PARD3: variants seen among roughly 807,000 people sequenced by gnomAD.
PARD3 encodes the protein par-3 family cell polarity regulator.
Under a neutral mutation model 155.4 loss-of-function variants are expected in PARD3, and 75 were observed. The ratio of observed to expected loss-of-function variants is 0.48; its 90% CI spans 0.40 to 0.58. The LOEUF is 0.58. Among genes scored for constraint, PARD3 ranks in the 20% least tolerant of loss-of-function variants. The pLI is 0.00. For synonymous variants in PARD3, 576 were observed against 610.5 expected (o/e 0.94, Z 0.83); for missense variants, 1,642 against 1,721.7 (o/e 0.95, Z 0.82).
chr10:34,803,303 T>G (rs1401997906), intron 1 of PARD3, among the ~76,000 whole-genome samples: 1 of 151,804 alleles, frequency 6.6e-6, no homozygotes, highest in African/African-American at 2.4e-5. Context: ...ACAAAGGTAC[T>G]TCTCTTAACT....
At chr10:34,488,218 T>C (rs1373652267) in intron 3 of PARD3, among the ~76,000 whole-genome samples, 8 of 152,226 alleles carry the variant, frequency 5.3e-5, no homozygotes, top group Admixed American at 1.3e-4. Context: ...TCTACAACTA[T>C]GAGGTGTTAA....
At chr10:34,602,906 A>C (rs2089916205) in intron 2 of PARD3, among the ~76,000 whole-genome samples, 1 of 152,180 alleles carries the variant, frequency 6.6e-6, no homozygotes, top group Non-Finnish European at 1.5e-5. Flanking sequence ...AGAAAGCAAA[A>C]CTGAGGTCCA....
chr10:34,463,374 GAGGGGA>G (rs1564742195), intron 4 of PARD3, among the ~76,000 whole-genome samples: 2 of 109,708 alleles, frequency 1.8e-5, no homozygotes, highest in Non-Finnish European at 3.8e-5. Context: ...GAGGGGAGGG[GAGGGGA>G]AGGGGAAAAG....
At chr10:34,339,633 T>A (rs537903913) in intron 16 of PARD3, among the ~76,000 whole-genome samples, 6 of 152,330 alleles carry the variant, frequency 3.9e-5, no homozygotes, top group Admixed American at 3.3e-4. Context: ...CTCAATTGAT[T>A]AATGGATTGA....
chr10:34,474,553 C>G (rs550941605), intron 3 of PARD3, among the ~76,000 whole-genome samples: 28 of 152,302 alleles, frequency 1.8e-4, no homozygotes, highest in African/African-American at 6.7e-4. Flanking sequence ...GAACCCACCA[C>G]TTAAACGGAG....
intron 2 of PARD3, among the ~76,000 whole-genome samples, chr10:34,645,676 A>G (rs886230938): frequency 6.6e-6 from 1 of 152,254 alleles, no homozygotes; most frequent in Non-Finnish European, 1.5e-5. Flanking sequence ...CGCAGAATCT[A>G]GAAGTCGCTC....
intron 1 of PARD3, among the ~76,000 whole-genome samples, chr10:34,785,438 A>C (rs1249529330): frequency 6.6e-6 from 1 of 151,978 alleles, no homozygotes; most frequent in African/African-American, 2.4e-5. Flanking sequence ...TTTGCATCAT[A>C]CTTTTTTTTT....
intron 22 of PARD3, among the ~76,000 whole-genome samples, chr10:34,205,017 A>G (rs1192798316): frequency 6.6e-6 from 1 of 152,236 alleles, no homozygotes; most frequent in Non-Finnish European, 1.5e-5. Flanking sequence ...TATAGCAACT[A>G]TAGGGAGTAA....
chr10:34,767,018 C>T (rs1250664570), intron 1 of PARD3, among the ~76,000 whole-genome samples: 2 of 152,164 alleles, frequency 1.3e-5, no homozygotes, highest in East Asian at 3.9e-4. Context: ...ACAGGAGCTG[C>T]AGCGCCCAGG....
chr10:34,707,116 C>T (rs1372732805), intron 1 of PARD3, among the ~76,000 whole-genome samples: 5 of 151,770 alleles, frequency 3.3e-5, no homozygotes, highest in African/African-American at 1.2e-4. Flanking sequence ...TGTGGTAGTG[C>T]GCACCTGTGG....
chr10:34,658,492 C>G (rs12259002), intron 2 of PARD3, among the ~76,000 whole-genome samples: 1 of 151,936 alleles, frequency 6.6e-6, no homozygotes, highest in Admixed American at 6.6e-5. Flanking sequence ...CAGGGGCAGA[C>G]GGTACCCACC....
chr10:34,745,160 G>T (rs1835141493), intron 1 of PARD3, among the ~76,000 whole-genome samples: 2 of 152,148 alleles, frequency 1.3e-5, no homozygotes, highest in Admixed American at 1.3e-4. Flanking sequence ...CCAGGAGTTT[G>T]CGACCAGCTT....
At chr10:34,640,735 A>AAAAAAAAAAAAAAC in intron 2 of PARD3, among the ~76,000 whole-genome samples, 1 of 144,686 alleles carries the variant, frequency 6.9e-6, no homozygotes, top group African/African-American at 2.6e-5. Context: ...AAAAAAAAAA[A>AAAAAAAAAAAAAAC]AGCACTTTTA....
At chr10:34,259,052 A>C (rs1954811106) in intron 22 of PARD3, among the ~76,000 whole-genome samples, 1 of 152,050 alleles carries the variant, frequency 6.6e-6, no homozygotes, top group South Asian at 2.1e-4. Flanking sequence ...TGGGTGACAG[A>C]GCAAGATTCT....
chr10:34,726,616 C>G (rs1223096193), intron 1 of PARD3, among the ~76,000 whole-genome samples: 1 of 152,100 alleles, frequency 6.6e-6, no homozygotes, highest in Non-Finnish European at 1.5e-5. Flanking sequence ...ACACAATTAG[C>G]TGGGCGTGGT....
chr10:34,516,511 A>C (rs1295086373), intron 3 of PARD3, among the ~76,000 whole-genome samples: 1 of 152,190 alleles, frequency 6.6e-6, no homozygotes, highest in Non-Finnish European at 1.5e-5. Flanking sequence ...GAGGTATTCT[A>C]ATCACTGCTC....
At chr10:34,789,342 T>C (rs1841375666) in intron 1 of PARD3, among the ~76,000 whole-genome samples, 1 of 152,154 alleles carries the variant, frequency 6.6e-6, no homozygotes, top group African/African-American at 2.4e-5. Context: ...AAGACACCGA[T>C]AAATTAAGTA....
chr10:34,153,453 C>T (rs575257455), intron 22 of PARD3, among the ~76,000 whole-genome samples: 2 of 152,274 alleles, frequency 1.3e-5, no homozygotes, highest in East Asian at 3.9e-4. Flanking sequence ...AAACCTGATA[C>T]TATTTCTTAT....
At chr10:34,270,983 G>A (rs1955586371) in intron 21 of PARD3, among the ~76,000 whole-genome samples, 1 of 152,088 alleles carries the variant, frequency 6.6e-6, no homozygotes, top group East Asian at 1.9e-4. Context: ...TAGTTACCTG[G>A]AAAAAATTTT....
Sources: gnomAD v4.1 joint callset for allele counts (sites outside exome capture counted in the v4.1 genomes callset) on GRCh38, gnomAD v4.1.1 for gene constraint, MANE v1.5 for transcripts, NCBI Gene and HGNC (gene_info 2026-07-23, HGNC 2026-07-21) for gene names.